ZDHHC3: variants seen among roughly 807,000 people sequenced by gnomAD.
ZDHHC3 encodes the protein zDHHC palmitoyltransferase 3.
In ZDHHC3, 9 loss-of-function variants were observed where a neutral mutation model predicts 30.6. That is an observed-to-expected ratio of 0.29 (90% CI 0.18 to 0.51). The LOEUF (loss-of-function observed/expected upper bound fraction) is 0.51. Ranked by LOEUF, ZDHHC3 falls within the 20% of genes least tolerant of loss-of-function variation. The probability of loss-of-function intolerance (pLI) is 0.97; values close to 1 mark genes in which losing one functional copy is unlikely to be tolerated. For missense variants in ZDHHC3, 246 were observed against 384.2 expected (o/e 0.64, Z 3.01); for synonymous variants, 136 against 140.2 (o/e 0.97, Z 0.21).
intron 3 of ZDHHC3, among the ~76,000 whole-genome samples, chr3:44,944,553 G>A (rs886732326): frequency 6.6e-6 from 1 of 152,208 alleles, no homozygotes; most frequent in Admixed American, 6.5e-5. Context: ...AAAGTGCTGG[G>A]ATTACAGGTG....
chr3:44,949,322 T>C (rs1167022709), intron 2 of ZDHHC3, among the ~76,000 whole-genome samples: 5 of 151,940 alleles, frequency 3.3e-5, no homozygotes, highest in African/African-American at 9.7e-5. Flanking sequence ...TACACATACA[T>C]ATAAATAAGA....
In ZDHHC3 at chr3:44,976,082, C is replaced by T; in HGVS notation, c.-174G>A. The T allele has an allele frequency of 2.3e-6, 1 of 433,424 alleles. No homozygotes were observed. Among genetic ancestry groups the T allele is most frequent in the Non-Finnish European group, 4.0e-6 (1 of 250,618 alleles). 26.8% of individuals were successfully genotyped at this position (433,424 alleles called of 1,614,324 possible). A position where few individuals can be genotyped will look rare whatever the true frequency, so the allele number is the denominator to read the frequency against. On this transcript the variant is annotated 5_prime_UTR_variant, in exon 1 of 7. Coordinates refer to ENST00000424952, the MANE Select transcript of ZDHHC3 (RefSeq NM_001135179.2). ...ACGAGGCGCCGCGGCTCTCTGGACT[C>T]GGCCAGACACCGGGCGGCGCGCAGG...
intron 3 of ZDHHC3, among the ~76,000 whole-genome samples, chr3:44,937,120 A>G (rs575781128): frequency 2.0e-5 from 3 of 152,248 alleles, no homozygotes; most frequent in African/African-American, 4.8e-5. Context: ...CAAAGCTTTG[A>G]AATAATACAA....
chr3:44,955,840 C>A (rs1703906626), intron 2 of ZDHHC3, among the ~76,000 whole-genome samples: 1 of 152,104 alleles, frequency 6.6e-6, no homozygotes, highest in South Asian at 2.1e-4. Context: ...TGGGGATGGG[C>A]AGAGGCAGGT....
At chr3:44,951,443 A>T (rs1703441213) in intron 2 of ZDHHC3, among the ~76,000 whole-genome samples, 1 of 152,120 alleles carries the variant, frequency 6.6e-6, no homozygotes, top group Non-Finnish European at 1.5e-5. Context: ...CCAAACTTCT[A>T]GTACCTTCCT....
intron 1 of ZDHHC3, among the ~76,000 whole-genome samples, chr3:44,967,752 G>T (rs1705077942): frequency 6.6e-6 from 1 of 152,086 alleles, no homozygotes; most frequent in African/African-American, 2.4e-5. Flanking sequence ...TTTAGAGCTG[G>T]GAGAAATATT....
intron 1 of ZDHHC3, among the ~76,000 whole-genome samples, chr3:44,973,745 A>T (rs896718628): frequency 8.5e-5 from 13 of 152,244 alleles, no homozygotes; most frequent in African/African-American, 3.1e-4. Flanking sequence ...GATGTCAGCC[A>T]CCGCACCTAG....
Position 44,915,867 on chromosome 3 carries a change from G to GGCA in ZDHHC3, c.*10819_*10821dup, listed in dbSNP as rs1311897365. The GGCA allele has an allele frequency of 1.3e-5, 2 of 152,104 alleles. No individual in the cohort carries two copies. Among genetic ancestry groups the GGCA allele is most frequent in the Non-Finnish European group, 2.9e-5 (2 of 68,056 alleles). 9.4% of individuals were successfully genotyped at this position (152,104 alleles called of 1,614,324 possible). On this transcript the variant is annotated 3_prime_UTR_variant, in exon 7 of 7. Transcript: ENST00000424952. ...TGCTGCCCCCTAGGAGACTCCAGGG[G>GGCA]GCAGGCATTGCTTCCTCCCTAGTGT...
intron 3 of ZDHHC3, chr3:44,938,257 G>T: frequency 5.4e-6 from 1 of 185,232 alleles, no homozygotes; most frequent in Non-Finnish European, 1.1e-5. Context: ...GTGCTGGGTG[G>T]GCTCACAGGC....
chr3:44,964,878 C>G (rs9835356), intron 1 of ZDHHC3, among the ~76,000 whole-genome samples: 83,694 of 151,926 alleles, frequency 0.55, 23,732 homozygotes, highest in East Asian at 0.89. Context: ...GTTAGCGCCT[C>G]CATATATTAG....
intron 2 of ZDHHC3, among the ~76,000 whole-genome samples, chr3:44,958,242 G>C (rs1485763514): frequency 6.6e-6 from 1 of 152,146 alleles, no homozygotes; most frequent in African/African-American, 2.4e-5. Flanking sequence ...TCTACCACCT[G>C]AACCGGCAGG....
At chr3:44,928,990 G>A (rs1701245571) in intron 6 of ZDHHC3, among the ~76,000 whole-genome samples, 1 of 152,174 alleles carries the variant, frequency 6.6e-6, no homozygotes, top group South Asian at 2.1e-4. Flanking sequence ...AGTGCCTAGT[G>A]GAGTGTCTAA....
rs1274122051 is a variant in ZDHHC3, at chr3:44,922,846, T to C, written c.*3843A>G. On this transcript the variant is annotated 3_prime_UTR_variant, in exon 7 of 7. Transcript: ENST00000424952. ...GGTCTGGCAACCTCAAGAACACCTT[T>C]GAGGAGGATTCTAGCAAAATCTTTC... 1 of 985,210 alleles carries C rather than the reference T, an allele frequency of 1.0e-6. No homozygotes were observed. Among genetic ancestry groups the C allele is most frequent in the East Asian group, 1.1e-4 (1 of 8,820 alleles). The allele number at this position is 985,210 out of a possible 1,614,324, so 61.0% of individuals were successfully genotyped here.
At chr3:44,946,262 C>T (rs568330895) in intron 2 of ZDHHC3, among the ~76,000 whole-genome samples, 1 of 152,356 alleles carries the variant, frequency 6.6e-6, no homozygotes, top group South Asian at 2.1e-4. Flanking sequence ...TTTGCTCTTC[C>T]ACCTGTGGAG....
rs146124268 is a variant in ZDHHC3, at chr3:44,959,748, C to T, written c.-24-288G>A. ...AGCAGAAGCAGGTGACACAGCCTGCCAATTTGTTTTTTTCTTTTTTTGAGA... is the reference window on the plus strand; with the variant it reads ...AGCAGAAGCAGGTGACACAGCCTGCTAATTTGTTTTTTTCTTTTTTTGAGA... On this transcript the variant is annotated intron_variant, in intron 1 of 6. Coordinates refer to ENST00000424952, the MANE Select transcript of ZDHHC3 (RefSeq NM_001135179.2). This position sits in a 1 kb window ranked among gnomAD's most constrained non-coding sequence, Gnocchi z 4.3. Among the ~76,000 whole-genome samples the T allele has an allele frequency of 5.1e-4, 77 of 152,192 alleles. No homozygotes were observed. The East Asian group carries it at 0.013, about 25-fold the overall frequency.
chr3:44,970,532 T>C (rs1575962949), intron 1 of ZDHHC3, among the ~76,000 whole-genome samples: 1 of 152,372 alleles, frequency 6.6e-6, no homozygotes, highest in South Asian at 2.1e-4. Context: ...CTTGCAGGGC[T>C]GAGATTCTAT....
rs114765676 is a variant in ZDHHC3 at position 44,934,651 on chromosome 3, C to T, written c.432-667G>A. 7.4e-3 allele frequency among the ~76,000 whole-genome samples: 1,106 copies of T among 150,440 alleles called. 16 individuals carry two copies. Among genetic ancestry groups the T allele is most frequent in the African/African-American group, 0.025 (1,033 of 40,894 alleles). ...AGTGGCCTGTAATCCCGGCACTTTGCGAAGCTGAGATGGGCAGATCATCTG... is the reference window on the plus strand; with the variant it reads ...AGTGGCCTGTAATCCCGGCACTTTGTGAAGCTGAGATGGGCAGATCATCTG... On this transcript the variant is annotated intron_variant, in intron 3 of 6. Transcript: ENST00000424952.
rs10576157 is a variant in ZDHHC3 at position 44,918,233 on chromosome 3, C to CG, written c.*8455dup. ...ACCCCCAGCTATAGCATAGCAGTGG[C>CG]GGGGGGGGGGGCGGGGTGTCCACGG... On this transcript the variant is annotated 3_prime_UTR_variant, in exon 7 of 7. Coordinates refer to ENST00000424952, the MANE Select transcript of ZDHHC3 (RefSeq NM_001135179.2). 3.8e-3 allele frequency: 4,308 copies of CG among 1,145,990 alleles called. 2 individuals are homozygous for CG. The highest frequency in any genetic ancestry group is 4.4e-3 in the Non-Finnish European group (3,977 of 898,820). The allele number at this position is 1,145,990 out of a possible 1,614,324, so 71.0% of individuals were successfully genotyped here. A position where few individuals can be genotyped will look rare whatever the true frequency, so the allele number is the denominator to read the frequency against.
Position 44,923,529 on chromosome 3 carries a change from C to G in ZDHHC3, c.*3160G>C. 1 of 985,380 alleles carries G rather than the reference C, an allele frequency of 1.0e-6. No homozygotes were observed. Among genetic ancestry groups the G allele is most frequent in the Non-Finnish European group, 1.2e-6 (1 of 829,928 alleles). 61.0% of individuals were successfully genotyped at this position (985,380 alleles called of 1,614,324 possible). ...TTTTCAAGAAGTACAGGGCTGGGCC[C>G]AGTGGCTCACGCCTGTAATCCCAGG... On this transcript the variant is annotated 3_prime_UTR_variant, in exon 7 of 7. Coordinates refer to ENST00000424952, the MANE Select transcript of ZDHHC3 (RefSeq NM_001135179.2).
Sources: allele counts gnomAD v4.1 joint callset (sites outside exome capture counted in the v4.1 genomes callset), GRCh38; gene constraint gnomAD v4.1.1; non-coding constraint Gnocchi (gnomAD v3.1); transcripts MANE v1.5; gene names NCBI Gene and HGNC (gene_info 2026-07-23, HGNC 2026-07-21).